Variants in ROCK1 observed in about 807,000 individuals in gnomAD.
The protein encoded by ROCK1 is Rho associated coiled-coil containing protein kinase 1, also known as rho-associated protein kinase 1.
ROCK1 carries 36 observed loss-of-function variants against 196.8 expected under a neutral mutation model. That is an observed-to-expected ratio of 0.18 (90% CI 0.14 to 0.24). The LOEUF is 0.24. Ranked by LOEUF, ROCK1 falls within the 10% of genes least tolerant of loss-of-function variation. ROCK1 has a pLI of 1.00. For synonymous variants in ROCK1, 443 were observed against 515.9 expected, an observed-to-expected ratio of 0.86 and a Z score of 1.91; for missense variants, 920 against 1,562.0, an observed-to-expected ratio of 0.59 and a Z score of 6.93.
chr18:21,111,004 C>G lies in ROCK1; in HGVS notation c.-94G>C. The G allele has an allele frequency of 2.0e-6, 2 of 997,500 alleles. No homozygotes were observed. Among genetic ancestry groups the G allele is most frequent in the Non-Finnish European group, 1.6e-6 (1 of 642,398 alleles). 61.8% of individuals were successfully genotyped at this position (997,500 alleles called of 1,614,324 possible). A position where few individuals can be genotyped will look rare whatever the true frequency, so the allele number is the denominator to read the frequency against. On this transcript the variant is annotated 5_prime_UTR_variant, in exon 1 of 33. Transcript: ENST00000399799. This position sits in a 1 kb window ranked among gnomAD's most constrained non-coding sequence, Gnocchi z 4.2. ...CCGCGGTGGGTTCGCAGCCGCGGGG[C>G]GGAGGAGCCGGAACCTCAGGGTCAC...
At chr18:21,005,778 G>T (rs1272050580) in intron 16 of ROCK1, among the ~76,000 whole-genome samples, 2 of 152,178 alleles carry the variant, frequency 1.3e-5, no homozygotes, top group Non-Finnish European at 2.9e-5. Flanking sequence ...TCAGGAGGTT[G>T]AGGTGGGAGA....
At chr18:21,099,632 C>A (rs1323906233) in intron 1 of ROCK1, among the ~76,000 whole-genome samples, 1 of 152,166 alleles carries the variant, frequency 6.6e-6, no homozygotes. Context: ...ATAGTCCCAG[C>A]CGCTCAGGAA....
At chr18:20,963,226 T>G (rs2035343236) in intron 27 of ROCK1, among the ~76,000 whole-genome samples, 1 of 152,108 alleles carries the variant, frequency 6.6e-6, no homozygotes, top group Non-Finnish European at 1.5e-5. Context: ...TACTGCAATA[T>G]CAGCGATTTC....
chr18:21,089,636 C>T (rs1471434246), intron 1 of ROCK1, among the ~76,000 whole-genome samples: 1 of 152,150 alleles, frequency 6.6e-6, no homozygotes, highest in Non-Finnish European at 1.5e-5. Context: ...ATCTAATCTG[C>T]TAACATCATA....
intron 21 of ROCK1, among the ~76,000 whole-genome samples, chr18:20,982,070 C>T (rs971300855): frequency 1.3e-5 from 2 of 152,122 alleles, no homozygotes; most frequent in Non-Finnish European, 2.9e-5. Context: ...CAAAAATCCA[C>T]AAGAATCACC....
At chr18:21,037,787 G>A (rs2036069843) in intron 9 of ROCK1, among the ~76,000 whole-genome samples, 1 of 152,108 alleles carries the variant, frequency 6.6e-6, no homozygotes, top group African/African-American at 2.4e-5. Flanking sequence ...ATGAGCTCCA[G>A]AAGGGAGAAA....
At chr18:21,080,106 C>T (rs185391488) in intron 1 of ROCK1, among the ~76,000 whole-genome samples, 5 of 152,138 alleles carry the variant, frequency 3.3e-5, no homozygotes, top group East Asian at 1.9e-4. Flanking sequence ...TAATTCGACT[C>T]GAGACGAAGA....
intron 4 of ROCK1, 59 bp downstream of exon 4, chr18:21,049,033 C>A: frequency 7.1e-7 from 1 of 1,404,596 alleles, no homozygotes. Flanking sequence ...AACTAAGCTT[C>A]TCAGACATGT....
chr18:20,988,367 C>T (rs749081100), intron 18 of ROCK1, among the ~76,000 whole-genome samples: 1 of 152,070 alleles, frequency 6.6e-6, no homozygotes, highest in Non-Finnish European at 1.5e-5. Flanking sequence ...CGCACCCGGC[C>T]TCTTTCTATC....
intron 1 of ROCK1, among the ~76,000 whole-genome samples, chr18:21,090,022 A>T (rs9950940): frequency 6.6e-6 from 1 of 152,198 alleles, no homozygotes; most frequent in Non-Finnish European, 1.5e-5. Context: ...AGAATCTGAA[A>T]TTATATCAAT....
Position 20,947,349 on chromosome 18 carries a change from CTAGAA to C in ROCK1, c.*4030_*4034del, listed in dbSNP as rs2035138825. 6.6e-6 allele frequency: 1 copy of C among 151,906 alleles called. No individual in the cohort carries two copies. The highest frequency in any genetic ancestry group is 1.5e-5 in the Non-Finnish European group (1 of 67,994). The allele number at this position is 151,906 out of a possible 1,614,324, so 9.4% of individuals were successfully genotyped here. ...TTAGGAAGTGCAGACTGACTTTCTA[CTAGAA>C]TATTCTTTGCATTTAATTTATTGCA... On this transcript the variant is annotated 3_prime_UTR_variant, in exon 33 of 33. Transcript: ENST00000399799.
intron 32 of ROCK1, 52 bp from the exon 33 acceptor site, chr18:20,951,439 A>C (rs367859764): frequency 6.7e-7 from 1 of 1,488,354 alleles, no homozygotes; most frequent in South Asian, 1.2e-5. Flanking sequence ...CAGTTTAAAA[A>C]TACAAGAAAC....
In ROCK1 at chr18:21,028,943, C is replaced by T; in HGVS notation, c.1052-8G>A. ...GTACAACTGGTGCTACAGCTAAAGA[C>T]AAAACAAAATTAGTTGTTCACTTCA... On this transcript the variant is annotated splice_region_variant and splice_polypyrimidine_tract_variant and intron_variant, in intron 9 of 32. Coordinates refer to ENST00000399799, the MANE Select transcript of ROCK1 (RefSeq NM_005406.3). The T allele has an allele frequency of 6.2e-7, 1 of 1,601,944 alleles. No homozygotes were observed. Among genetic ancestry groups the T allele is most frequent in the Non-Finnish European group, 8.5e-7 (1 of 1,177,228 alleles).
intron 9 of ROCK1, among the ~76,000 whole-genome samples, chr18:21,035,655 T>C (rs1351728661): frequency 6.6e-6 from 1 of 152,240 alleles, no homozygotes; most frequent in Non-Finnish European, 1.5e-5. Flanking sequence ...TGTATTCTAC[T>C]GTTTGTTATT....
rs1240139339 is a variant in ROCK1, at chr18:20,949,082, G to GC, written c.*2301dup. The stretch of plus-strand genomic sequence containing the variant: ...CTGGTTGACCCAGTTCTGTAATGTG[G>GC]CATTGGGAGTGATTCCTCAAAGCTC... On this transcript the variant is annotated 3_prime_UTR_variant, in exon 33 of 33. Transcript: ENST00000399799. 6.6e-6 allele frequency: 1 copy of GC among 152,252 alleles called. No homozygotes were observed. The highest frequency in any genetic ancestry group is 6.5e-5 in the Admixed American group (1 of 15,278). The allele number at this position is 152,252 out of a possible 1,614,324, so 9.4% of individuals were successfully genotyped here.
At chr18:20,995,964 G>T (rs575138032) in intron 16 of ROCK1, among the ~76,000 whole-genome samples, 11 of 152,054 alleles carry the variant, frequency 7.2e-5, no homozygotes, top group African/African-American at 2.2e-4. Flanking sequence ...AGCCCAGACT[G>T]CAATGACTAC....
intron 9 of ROCK1, among the ~76,000 whole-genome samples, chr18:21,030,074 A>T (rs1203194101): frequency 1.3e-5 from 2 of 152,194 alleles, no homozygotes; most frequent in Non-Finnish European, 2.9e-5. Flanking sequence ...TAGTACTAAC[A>T]GTAACACAAG....
At chr18:20,953,555 AC>A (rs1323845621) in intron 32 of ROCK1, 22 bp downstream of exon 32, 2 of 1,504,422 alleles carry the variant, frequency 1.3e-6, no homozygotes, top group African/African-American at 2.8e-5. Flanking sequence ...ATTGTTAAAA[AC>A]GTTAGCATTT....
At chr18:20,965,398 TACATATATACATAC>T (rs2035363794) in intron 27 of ROCK1, among the ~76,000 whole-genome samples, 2 of 136,476 alleles carry the variant, frequency 1.5e-5, no homozygotes, top group African/African-American at 5.5e-5. Context: ...CATACATACA[TACATATATACATAC>T]ATACATACAT....
Sources: gnomAD v4.1 joint callset for allele counts (sites outside exome capture counted in the v4.1 genomes callset) on GRCh38, gnomAD v4.1.1 for gene constraint, Gnocchi (gnomAD v3.1) non-coding constraint, MANE v1.5 for transcripts, NCBI Gene and HGNC (gene_info 2026-07-23, HGNC 2026-07-21) for gene names.